OTUD7A: variants seen among roughly 807,000 people sequenced by gnomAD.
OTUD7A encodes OTU deubiquitinase 7A.
OTUD7A carries 12 observed loss-of-function variants against 65.7 expected under a neutral mutation model. The ratio of observed to expected loss-of-function variants is 0.18; its 90% confidence interval spans 0.12 to 0.30. The LOEUF is 0.30. OTUD7A is among the 10% of genes least tolerant of loss of function. The probability of loss-of-function intolerance (pLI) is 1.00; values close to 1 mark genes in which losing one functional copy is unlikely to be tolerated. For synonymous variants in OTUD7A, 641 were observed against 586.3 expected (o/e 1.09, Z -1.35); for missense variants, 1,148 against 1,304.8 (o/e 0.88, Z 1.85).
At chr15:31,736,038 C>T (rs1051423633) in intron 1 of OTUD7A, among the ~76,000 whole-genome samples, 4 of 152,062 alleles carry the variant, frequency 2.6e-5, no homozygotes, top group Non-Finnish European at 5.9e-5. Context: ...TAGAGGGGAA[C>T]AACACACACT....
intron 1 of OTUD7A, among the ~76,000 whole-genome samples, chr15:31,719,286 A>G (rs549098445): frequency 2.6e-5 from 4 of 151,832 alleles, no homozygotes; most frequent in South Asian, 2.1e-4. Context: ...TGGCTCCAAC[A>G]TACTCCCTTA....
At chr15:31,556,255 C>T (rs11071179) in intron 5 of OTUD7A, 35,032 of 152,232 alleles carry the variant, frequency 0.23, 5,233 homozygotes, top group East Asian at 0.67. Context: ...CACCTTTGAC[C>T]ACTCCCTGAA....
At chr15:31,753,077 T>C (rs1388560272) in intron 1 of OTUD7A, among the ~76,000 whole-genome samples, 1 of 152,208 alleles carries the variant, frequency 6.6e-6, no homozygotes, top group Non-Finnish European at 1.5e-5. Flanking sequence ...TAGCATTTAC[T>C]TTTACATTGT....
intron 1 of OTUD7A, chr15:31,766,306 G>A (rs777770309): frequency 8.1e-6 from 13 of 1,605,398 alleles, no homozygotes; most frequent in Admixed American, 1.7e-5. Context: ...TGACTCATTC[G>A]GGAAATCATA....
chr15:31,675,214 C>A (rs556049833), intron 1 of OTUD7A, among the ~76,000 whole-genome samples: 4 of 152,112 alleles, frequency 2.6e-5, no homozygotes, highest in African/African-American at 9.6e-5. Flanking sequence ...CAAATTAGAG[C>A]CTTGGAGCTG....
chr15:31,853,756 G>A (rs1567056542), intron 1 of OTUD7A, among the ~76,000 whole-genome samples: 2 of 152,210 alleles, frequency 1.3e-5, no homozygotes, highest in African/African-American at 2.4e-5. Context: ...AATTCATGTG[G>A]AATAAATGTA....
chr15:31,509,783 A>G (rs1233013685), intron 8 of OTUD7A, among the ~76,000 whole-genome samples: 2 of 150,270 alleles, frequency 1.3e-5, no homozygotes, highest in East Asian at 3.9e-4. Flanking sequence ...AATTTTTTTT[A>G]TAACTTTTTA....
intron 3 of OTUD7A, among the ~76,000 whole-genome samples, chr15:31,637,107 T>C (rs1374191348): frequency 6.6e-6 from 1 of 152,228 alleles, no homozygotes; most frequent in African/African-American, 2.4e-5. Flanking sequence ...AGATGTTCAA[T>C]GTAGACAACA....
intron 3 of OTUD7A, among the ~76,000 whole-genome samples, chr15:31,575,851 G>A (rs896381336): frequency 6.6e-6 from 1 of 152,120 alleles, no homozygotes; most frequent in African/African-American, 2.4e-5. Context: ...GTCCGTGAAG[G>A]GCATTAGTGC....
rs1387269253 is a variant in OTUD7A at position 31,632,075 on chromosome 15, T to G, written c.151+23021A>C. Among the ~76,000 whole-genome samples the G allele has an allele frequency of 3.9e-5, 6 of 152,232 alleles. No homozygotes were observed. The South Asian group carries it at 6.2e-4, about 16-fold the overall frequency. On this transcript the variant is annotated intron_variant, in intron 3 of 12. Coordinates refer to ENST00000307050, the MANE Select transcript of OTUD7A (RefSeq NM_001382637.1). ...CAGAGTAGTTTGATCGTCTGAAGCCTTCTTCTCTCAGCTCGTCAAAGTCAT... is the reference window on the plus strand; with the variant it reads ...CAGAGTAGTTTGATCGTCTGAAGCCGTCTTCTCTCAGCTCGTCAAAGTCAT...
chr15:31,754,163 T>A (rs1483507931), intron 1 of OTUD7A, among the ~76,000 whole-genome samples: 1 of 152,236 alleles, frequency 6.6e-6, no homozygotes, highest in Non-Finnish European at 1.5e-5. Context: ...TTTGTATATC[T>A]TCTTTTGAGA....
chr15:31,845,650 G>A (rs747016314), intron 1 of OTUD7A, among the ~76,000 whole-genome samples: 10 of 152,152 alleles, frequency 6.6e-5, no homozygotes, highest in South Asian at 2.1e-4. Flanking sequence ...GGGACTCTGC[G>A]ACCTCCCACT....
chr15:31,595,895 T>C (rs1241518752), intron 3 of OTUD7A, among the ~76,000 whole-genome samples: 1 of 152,112 alleles, frequency 6.6e-6, no homozygotes, highest in Non-Finnish European at 1.5e-5. Context: ...CCTTGGCTTG[T>C]GGCCCCTTTC....
At chr15:31,845,626 G>T (rs890531572) in intron 1 of OTUD7A, among the ~76,000 whole-genome samples, 1 of 152,230 alleles carries the variant, frequency 6.6e-6, no homozygotes, top group African/African-American at 2.4e-5. Flanking sequence ...GCCCCCTCAG[G>T]AAGGGCTGGC....
At chr15:31,647,890 G>A (rs896885017) in intron 3 of OTUD7A, among the ~76,000 whole-genome samples, 4 of 151,706 alleles carry the variant, frequency 2.6e-5, no homozygotes, top group African/African-American at 9.7e-5. Flanking sequence ...TGCAGGGGGA[G>A]GAGCAGCAGG....
chr15:31,501,701 T>C lies in OTUD7A; in HGVS notation c.1160A>G (p.Gln387Arg), dbSNP rs370438219. 7 of 1,614,082 alleles carry C rather than the reference T, an allele frequency of 4.3e-6. No individual in the cohort carries two copies. Among genetic ancestry groups the C allele is most frequent in the Non-Finnish European group, 5.9e-6 (7 of 1,180,034 alleles). Residue 387 changes from glutamine to arginine, a missense_variant, in exon 10 of 13, where the codon CAA becomes CGA. Physicochemically the swap from Gln to Arg is conservative, Grantham distance 43. Transcript: ENST00000307050. ...GGAGACAGGCATACCTTGTTCTCTT[T>C]GCTGGTCTCTCTGTTCCATGGACAC... ...ALVSMEQRDQ[Q>R]REQAVIPLTD...
chr15:31,719,140 G>A (rs1392698689), intron 1 of OTUD7A, among the ~76,000 whole-genome samples: 1 of 152,004 alleles, frequency 6.6e-6, no homozygotes, highest in Non-Finnish European at 1.5e-5. Context: ...GCTGGAGTGC[G>A]GTAGTGCAAT....
chr15:31,860,388 GA>G (rs1361369109), intron 1 of OTUD7A, among the ~76,000 whole-genome samples: 1 of 151,672 alleles, frequency 6.6e-6, no homozygotes, highest in Non-Finnish European at 1.5e-5. Context: ...AGCAATTCGA[GA>G]AAAAATGATT....
chr15:31,558,775 C>G, intron 5 of OTUD7A, 194 bp downstream of exon 5: 3 of 634,396 alleles, frequency 4.7e-6, no homozygotes, highest in Non-Finnish European at 5.4e-6. Flanking sequence ...GTTATCGGCC[C>G]CTCCATCCAG....
Sources: gnomAD v4.1 joint callset for allele counts (sites outside exome capture counted in the v4.1 genomes callset) on GRCh38, gnomAD v4.1.1 for gene constraint, MANE v1.5 for transcripts, NCBI Gene and HGNC (gene_info 2026-07-23, HGNC 2026-07-21) for gene names.